AMBRA1: variants seen among roughly 807,000 people sequenced by gnomAD.
AMBRA1 encodes the protein activating molecule in BECN1-regulated autophagy protein 1.
Under a neutral mutation model 125.4 loss-of-function variants are expected in AMBRA1, and 47 were observed. That is an observed-to-expected ratio of 0.37 (90% CI 0.30 to 0.48). AMBRA1 has a LOEUF of 0.48. AMBRA1 is among the 20% of genes least tolerant of loss of function. The pLI is 0.99. For missense variants in AMBRA1, 1,331 were observed against 1,693.4 expected (o/e 0.79, Z 3.76); for synonymous variants, 626 against 655.5 (o/e 0.95, Z 0.69).
chr11:46,503,613 C>A (rs910027046), intron 9 of AMBRA1, among the ~76,000 whole-genome samples: 2 of 152,002 alleles, frequency 1.3e-5, no homozygotes, highest in African/African-American at 2.4e-5. Context: ...ACCTGCAAAG[C>A]GCAAAAAAAG....
At chr11:46,590,657 C>T (rs573847093) in intron 1 of AMBRA1, among the ~76,000 whole-genome samples, 1 of 151,926 alleles carries the variant, frequency 6.6e-6, no homozygotes, top group Non-Finnish European at 1.5e-5. Flanking sequence ...ATTCTGAACC[C>T]GTCCAGTTTT....
intron 7 of AMBRA1, among the ~76,000 whole-genome samples, chr11:46,516,914 G>A (rs1215967342): frequency 1.3e-5 from 2 of 151,928 alleles, no homozygotes; most frequent in Non-Finnish European, 2.9e-5. Flanking sequence ...AGCTTGTTCA[G>A]GTTCGAAGCT....
At chr11:46,505,592 G>A (rs950715906) in intron 9 of AMBRA1, among the ~76,000 whole-genome samples, 1 of 148,154 alleles carries the variant, frequency 6.7e-6, no homozygotes, top group African/African-American at 2.5e-5. Flanking sequence ...AGCAATATAA[G>A]ACCCCCTGAG....
rs1274012488 is a variant in AMBRA1 at position 46,543,093 on chromosome 11, C to A, written c.924G>T (p.Leu308=). The stretch of plus-strand genomic sequence containing the variant: ...TGCCAGAGCAGCGGCTGCAAAGGCA[C>A]AGGATCCCAAGGTGCTGGCAGCACT... ...TAECCQHLGI[L]CLCSRCSGTR... Residue 308 remains leucine, a synonymous_variant, in exon 7 of 18, where the codon CTG becomes CTT. Coordinates refer to ENST00000683756, the MANE Select transcript of AMBRA1 (RefSeq NM_001387011.1). The A allele has an allele frequency of 1.9e-6, 3 of 1,589,008 alleles. No individual in the cohort carries two copies. The Admixed American group carries it at 5.3e-5, about 28-fold the overall frequency.
intron 9 of AMBRA1, among the ~76,000 whole-genome samples, chr11:46,505,791 G>A (rs1951016533): frequency 6.6e-6 from 1 of 152,086 alleles, no homozygotes. Flanking sequence ...CAGGAGAAAG[G>A]GAAGGTAAGA....
intron 6 of AMBRA1, among the ~76,000 whole-genome samples, chr11:46,543,701 G>C (rs961650162): frequency 1.3e-5 from 2 of 152,174 alleles, no homozygotes; most frequent in East Asian, 3.8e-4. Context: ...ATGTCAACCA[G>C]CCAGAGGCAC....
intron 7 of AMBRA1, among the ~76,000 whole-genome samples, chr11:46,539,567 A>G (rs187365592): frequency 6.6e-6 from 1 of 152,132 alleles, no homozygotes; most frequent in Non-Finnish European, 1.5e-5. Context: ...CAAAAAAATA[A>G]AAATGTTATA....
intron 11 of AMBRA1, among the ~76,000 whole-genome samples, chr11:46,446,060 T>A (rs545127557): frequency 6.6e-6 from 1 of 152,132 alleles, no homozygotes; most frequent in Non-Finnish European, 1.5e-5. Flanking sequence ...TCAAGAAACA[T>A]CTTCTGGAGA....
chr11:46,407,958 T>A (rs1380776701), intron 17 of AMBRA1, among the ~76,000 whole-genome samples: 1 of 152,118 alleles, frequency 6.6e-6, no homozygotes. Context: ...GCTAATTGGT[T>A]TTTAAAAGTG....
chr11:46,577,277 G>GA (rs1173551464), intron 1 of AMBRA1, among the ~76,000 whole-genome samples: 6 of 152,206 alleles, frequency 3.9e-5, no homozygotes, highest in African/African-American at 1.4e-4. Context: ...ATTCAGTCAT[G>GA]AAAAGGTATG....
At position 46,397,415 on chromosome 11, in the gene AMBRA1, C is replaced by T. The variant is rs1473958021; in HGVS notation, c.*35G>A. 7.5e-6 allele frequency: 11 copies of T among 1,466,138 alleles called. No individual in the cohort carries two copies. The highest frequency in any genetic ancestry group is 2.4e-5 in the East Asian group (1 of 41,984). 90.8% of individuals were successfully genotyped at this position (1,466,138 alleles called of 1,614,324 possible). ...GCTGTGAGGTCCGGTTTCTGCTTGG[C>T]GGTTCGAGGGGAGGCACCAGTGCAA... On this transcript the variant is annotated 3_prime_UTR_variant, in exon 18 of 18. Coordinates refer to ENST00000683756, the MANE Select transcript of AMBRA1 (RefSeq NM_001387011.1).
chr11:46,544,455 T>A (rs957037250), intron 5 of AMBRA1, among the ~76,000 whole-genome samples: 2 of 152,132 alleles, frequency 1.3e-5, no homozygotes, highest in African/African-American at 4.8e-5. Context: ...AGTCCCAGCA[T>A]TAAGTGACAT....
At chr11:46,404,296 G>A (rs1945900362) in intron 17 of AMBRA1, among the ~76,000 whole-genome samples, 1 of 152,176 alleles carries the variant, frequency 6.6e-6, no homozygotes, top group African/African-American at 2.4e-5. Context: ...CTGACCAGAG[G>A]GTTTCACTAT....
At chr11:46,498,435 C>T (rs1950715883) in intron 9 of AMBRA1, among the ~76,000 whole-genome samples, 1 of 152,050 alleles carries the variant, frequency 6.6e-6, no homozygotes, top group Non-Finnish European at 1.5e-5. Flanking sequence ...CTGTGCATCT[C>T]TGATTAACTC....
At chr11:46,502,731 G>A (rs1315064037) in intron 9 of AMBRA1, among the ~76,000 whole-genome samples, 1 of 152,090 alleles carries the variant, frequency 6.6e-6, no homozygotes, top group Non-Finnish European at 1.5e-5. Context: ...GACTCAACTA[G>A]GCTTTTTAAG....
chr11:46,547,293 A>G lies in AMBRA1; in HGVS notation c.198T>C (p.Thr66=), dbSNP rs1160148691. Reference sequence around the variant, plus strand: ...GGTTCACATGGGTGGAGGCTAAGAGAGTCCTAGAAAATCAAAGAGTAGAAC... The same window carrying G: ...GGTTCACATGGGTGGAGGCTAAGAGGGTCCTAGAAAATCAAAGAGTAGAAC... The part of the protein sequence containing the change: ...TFLLAFSPDR[T]LLASTHVNHN... Residue 66 remains threonine (T), a synonymous_variant, in exon 4 of 18, where the codon ACT becomes ACC. Transcript: ENST00000683756. 1 of 1,602,702 alleles carries G rather than the reference A, an allele frequency of 6.2e-7. No individual in the cohort carries two copies. Among genetic ancestry groups the G allele is most frequent in the Non-Finnish European group, 8.5e-7 (1 of 1,175,510 alleles).
intron 14 of AMBRA1, chr11:46,429,214 C>G (rs1947328146): frequency 7.7e-7 from 1 of 1,296,082 alleles, no homozygotes; most frequent in Non-Finnish European, 1.1e-6. Flanking sequence ...TCTTCGCCTA[C>G]CAGCGGCCCC....
At chr11:46,489,932 C>T (rs1950404113) in intron 11 of AMBRA1, among the ~76,000 whole-genome samples, 1 of 152,194 alleles carries the variant, frequency 6.6e-6, no homozygotes, top group South Asian at 2.1e-4. Context: ...GTTTAAAATT[C>T]CAGGTCAGCC....
At chr11:46,468,954 A>G (rs964010679) in intron 11 of AMBRA1, among the ~76,000 whole-genome samples, 4 of 150,784 alleles carry the variant, frequency 2.7e-5, no homozygotes, top group Non-Finnish European at 5.9e-5. Context: ...GACCAGCCTG[A>G]CCAACATGGC....
Sources: allele counts gnomAD v4.1 joint callset (sites outside exome capture counted in the v4.1 genomes callset), GRCh38; gene constraint gnomAD v4.1.1; transcripts MANE v1.5; gene names NCBI Gene and HGNC (gene_info 2026-07-23, HGNC 2026-07-21).